Variants in USP7 observed in about 807,000 individuals in gnomAD.
The protein encoded by USP7 is ubiquitin specific peptidase 7.
Under a neutral mutation model 162.9 loss-of-function variants are expected in USP7, and 9 were observed. The ratio of observed to expected loss-of-function variants is 0.06; its 90% CI spans 0.03 to 0.10. USP7 has a LOEUF of 0.10. Ranked by LOEUF, USP7 falls within the 10% of genes least tolerant of loss-of-function variation. USP7 has a pLI of 1.00. For missense variants in USP7, 715 were observed against 1,373.7 expected, an observed-to-expected ratio of 0.52 and a Z score of 7.58; for synonymous variants, 562 against 475.9, an observed-to-expected ratio of 1.18 and a Z score of -2.35.
chr16:8,898,506 T>G, intron 24 of USP7, 25 bp downstream of exon 24: 1 of 1,605,058 alleles, frequency 6.2e-7, no homozygotes, highest in East Asian at 2.2e-5. Context: ...TTATGACCCA[T>G]AGTTACATTA....
intron 13 of USP7, among the ~76,000 whole-genome samples, chr16:8,905,942 G>A (rs573530610): frequency 5.9e-5 from 9 of 152,264 alleles, no homozygotes; most frequent in Admixed American, 3.3e-4. Flanking sequence ...GCAGGAGCTC[G>A]GTGCTGGCCC....
chr16:8,925,645 G>A (rs773238381), intron 2 of USP7, among the ~76,000 whole-genome samples: 7 of 152,148 alleles, frequency 4.6e-5, no homozygotes, highest in South Asian at 2.1e-4. Flanking sequence ...AGGCCACCGC[G>A]CATCCGTCTC....
intron 1 of USP7, among the ~76,000 whole-genome samples, chr16:8,947,938 C>G (rs1443240789): frequency 6.6e-6 from 1 of 152,156 alleles, no homozygotes; most frequent in East Asian, 1.9e-4. Context: ...CTGGGGATTT[C>G]TCTGTCTCCA....
intron 20 of USP7, 173 bp downstream of exon 20, chr16:8,900,817 A>G (rs1187901949): frequency 9.3e-6 from 7 of 753,742 alleles, no homozygotes; most frequent in Non-Finnish European, 1.5e-5. Flanking sequence ...TGATTCTACA[A>G]CAGGTAAAAA....
At chr16:8,963,171 C>T in intron 1 of USP7, 36 bp downstream of exon 1, 2 of 1,390,482 alleles carry the variant, frequency 1.4e-6, no homozygotes, top group African/African-American at 1.5e-5. Context: ...TGAAAGGCGC[C>T]CCCCGGCCCC....
chr16:8,908,100 G>T (rs1388702226), intron 12 of USP7, among the ~76,000 whole-genome samples: 1 of 152,242 alleles, frequency 6.6e-6, no homozygotes, highest in East Asian at 1.9e-4. Flanking sequence ...ATAGCTGAGA[G>T]CAGGGCTGGG....
chr16:8,911,099 A>ATGTT (rs2061939703), intron 10 of USP7, among the ~76,000 whole-genome samples: 2 of 152,238 alleles, frequency 1.3e-5, no homozygotes, highest in African/African-American at 4.8e-5. Context: ...AACAAAGCAC[A>ATGTT]TACTGTAAAG....
rs1232575352 is a variant in USP7 at position 8,963,296 on chromosome 16, G to T, written c.-11C>A. On this transcript the variant is annotated 5_prime_UTR_variant, in exon 1 of 31. Coordinates refer to ENST00000344836, the MANE Select transcript of USP7 (RefSeq NM_003470.3). Reference sequence around the variant, plus strand: ...CTGCTGGTGGTTCATGTCGGCCGCGGCCTGGGCCTCGCCTGCGGCCGGGGG... The same window carrying T: ...CTGCTGGTGGTTCATGTCGGCCGCGTCCTGGGCCTCGCCTGCGGCCGGGGG... 8.1e-7 allele frequency: 1 copy of T among 1,237,518 alleles called. No individual in the cohort carries two copies. Among genetic ancestry groups the T allele is most frequent in the Non-Finnish European group, 1.0e-6 (1 of 966,340 alleles). 76.7% of individuals were successfully genotyped at this position (1,237,518 alleles called of 1,614,324 possible). A position where few individuals can be genotyped will look rare whatever the true frequency, so the allele number is the denominator to read the frequency against.
At chr16:8,909,464 C>CTG (rs2061909657) in intron 11 of USP7, among the ~76,000 whole-genome samples, 7 of 152,290 alleles carry the variant, frequency 4.6e-5, no homozygotes, top group Admixed American at 3.3e-4. Context: ...GGGGAAGGAC[C>CTG]TGTTTTTAAT....
In USP7 at chr16:8,919,067, C is replaced by T; in HGVS notation, c.684G>A (p.Leu228=). ...GATTCGTGAAAAATAACGTCTGTAG[C>T]AGGCTGTTCATGTAACAAGTCGCTC... ...NQGATCYMNS[L]LQTLFFTNQL... is the part of the protein sequence containing the mutation. The change falls in exon 6 of 31, where the codon CTG becomes CTA. Residue 228 remains leucine (L), a synonymous_variant. Coordinates refer to ENST00000344836, the MANE Select transcript of USP7 (RefSeq NM_003470.3). 1 of 1,613,948 alleles carries T rather than the reference C, an allele frequency of 6.2e-7. No individual in the cohort carries two copies. Among genetic ancestry groups the T allele is most frequent in the Non-Finnish European group, 8.5e-7 (1 of 1,180,028 alleles).
At chr16:8,904,711 G>C in intron 14 of USP7, 146 bp from the exon 15 acceptor site, 1 of 1,238,166 alleles carries the variant, frequency 8.1e-7, no homozygotes. Flanking sequence ...GGGAGGCTGA[G>C]GCGGGCCGAT....
At chr16:8,954,448 G>A (rs1567248656) in intron 1 of USP7, among the ~76,000 whole-genome samples, 1 of 152,220 alleles carries the variant, frequency 6.6e-6, no homozygotes, top group Non-Finnish European at 1.5e-5. Context: ...AGGCGTGACT[G>A]CATTCGGGTC....
chr16:8,896,344 T>A (rs923281397), intron 26 of USP7, among the ~76,000 whole-genome samples: 3 of 152,152 alleles, frequency 2.0e-5, no homozygotes, highest in African/African-American at 7.2e-5. Flanking sequence ...CACATTCAGC[T>A]GATAGTGGCG....
intron 3 of USP7, among the ~76,000 whole-genome samples, chr16:8,921,497 T>C (rs535871560): frequency 6.8e-4 from 104 of 152,394 alleles, no homozygotes; most frequent in African/African-American, 2.3e-3. Flanking sequence ...GTGTATTCTG[T>C]AGTGATTTCA....
Position 8,893,640 on chromosome 16 carries a change from C to T in USP7, c.*358G>A, listed in dbSNP as rs995695397. The stretch of plus-strand genomic sequence containing the variant: ...TAGCTGCAGGGCTGGTGCACGGGAC[C>T]CCAGGAAGGCAGCCGAGCCACTCGT... On this transcript the variant is annotated 3_prime_UTR_variant, in exon 31 of 31. Coordinates refer to ENST00000344836, the MANE Select transcript of USP7 (RefSeq NM_003470.3). The T allele has an allele frequency of 8.5e-6, 2 of 236,398 alleles. No individual in the cohort carries two copies. The highest frequency in any genetic ancestry group is 9.8e-5 in the Admixed American group (2 of 20,446). 14.6% of individuals were successfully genotyped at this position (236,398 alleles called of 1,614,324 possible).
Position 8,895,786 on chromosome 16 carries a change from A to C in USP7, c.2820-45T>G, listed in dbSNP as rs767559815. 3 of 1,289,722 alleles carry C rather than the reference A, an allele frequency of 2.3e-6. No individual in the cohort carries two copies. In the Admixed American group the frequency reaches 7.1e-5, roughly 30 times the overall value. 79.9% of individuals were successfully genotyped at this position (1,289,722 alleles called of 1,614,324 possible). A position where few individuals can be genotyped will look rare whatever the true frequency, so the allele number is the denominator to read the frequency against. ...AAATAGGGCAAAATGAAGTATATAT[A>C]TTCACATAAAAATAAAATGGTTTTC... On this transcript the variant is annotated intron_variant, in intron 26 of 30. Transcript: ENST00000344836.
At chr16:8,911,077 T>C (rs967044817) in intron 10 of USP7, among the ~76,000 whole-genome samples, 13 of 152,258 alleles carry the variant, frequency 8.5e-5, no homozygotes, top group Admixed American at 2.6e-4. Flanking sequence ...GTTAAGGTTT[T>C]ACTGTTATTC....
rs746412580 is a variant in USP7 at position 8,904,489 on chromosome 16, G to C, written c.1650C>G (p.Ile550Met). The change falls in exon 15 of 31, where the codon ATC (isoleucine) becomes ATG (methionine). Residue 550 changes from isoleucine to methionine, a missense_variant. Transcript: ENST00000344836. Reference sequence around the variant, plus strand: ...GCCGCTCCTTCCGCTTCTGAGCCTCGATCCTTTTCTCTTCTTGTAATCGCT... The same window carrying C: ...GCCGCTCCTTCCGCTTCTGAGCCTCCATCCTTTTCTCTTCTTGTAATCGCT... Reference protein sequence around the residue: ...LVERLQEEKRIEAQKRKERQE... With the variant: ...LVERLQEEKRMEAQKRKERQE... 3 of 1,614,120 alleles carry C rather than the reference G, an allele frequency of 1.9e-6. No homozygotes were observed. Among genetic ancestry groups the C allele is most frequent in the Admixed American group, 1.7e-5 (1 of 60,020 alleles).
At chr16:8,913,159 CA>C (rs2061975185) in intron 10 of USP7, among the ~76,000 whole-genome samples, 1 of 152,212 alleles carries the variant, frequency 6.6e-6, no homozygotes, top group African/African-American at 2.4e-5. Context: ...AACTCGAGAC[CA>C]GCCTGCCCAA....
Sources: allele counts gnomAD v4.1 joint callset (sites outside exome capture counted in the v4.1 genomes callset), GRCh38; gene constraint gnomAD v4.1.1; transcripts MANE v1.5; gene names NCBI Gene and HGNC (gene_info 2026-07-23, HGNC 2026-07-21).